AFTPH: variants seen among roughly 807,000 people sequenced by gnomAD.
The protein encoded by AFTPH is aftiphilin protein.
AFTPH carries 7 observed loss-of-function variants against 72.5 expected under a neutral mutation model. The ratio of observed to expected loss-of-function variants is 0.10; its 90% confidence interval spans 0.05 to 0.18. The LOEUF (loss-of-function observed/expected upper bound fraction) is 0.18, where lower values mean the gene tolerates loss of function less well. AFTPH is among the 10% of genes least tolerant of loss of function. The probability of loss-of-function intolerance (pLI) is 1.00; values close to 1 mark genes in which losing one functional copy is unlikely to be tolerated. For missense variants in AFTPH, 979 were observed against 1,060.5 expected, an observed-to-expected ratio of 0.92 and a Z score of 1.07; for synonymous variants, 337 against 370.1, an observed-to-expected ratio of 0.91 and a Z score of 1.03.
At chr2:64,567,457 C>T in intron 2 of AFTPH, 105 bp from the exon 3 acceptor site, 1 of 1,160,334 alleles carries the variant, frequency 8.6e-7, no homozygotes, top group East Asian at 2.6e-5. Flanking sequence ...CTCTTCCTCT[C>T]TCACAGTAGT....
At chr2:64,576,150 TG>T (rs1672783687) in intron 6 of AFTPH, among the ~76,000 whole-genome samples, 1 of 148,712 alleles carries the variant, frequency 6.7e-6, no homozygotes, top group Non-Finnish European at 1.5e-5. Flanking sequence ...CGTGTGTGTG[TG>T]TGTGTATGTA....
chr2:64,540,913 A>T (rs1232112013), intron 1 of AFTPH, among the ~76,000 whole-genome samples: 1 of 152,132 alleles, frequency 6.6e-6, no homozygotes, highest in Non-Finnish European at 1.5e-5. Context: ...AGTTACTTGG[A>T]GGTTTCAGAA....
At chr2:64,575,769 T>G (rs1672740233) in intron 6 of AFTPH, among the ~76,000 whole-genome samples, 1 of 146,638 alleles carries the variant, frequency 6.8e-6, no homozygotes, top group African/African-American at 2.5e-5. Context: ...GGTAGAGTCT[T>G]GCTCTGTCAC....
At position 64,547,249 on chromosome 2, in the gene AFTPH, A is replaced by T. The variant is rs1483637523; in HGVS notation, c.-32-4194A>T. ...TTATTCTTCTTCTTCAATCTGAAAC[A>T]GGTTTTCAGTCTTTCCTTGACTTTC... On this transcript the variant is annotated intron_variant, in intron 1 of 8. Transcript: ENST00000238856. Among the ~76,000 whole-genome samples the T allele has an allele frequency of 2.0e-5, 3 of 152,298 alleles. No homozygotes were observed. In the East Asian group the frequency reaches 5.8e-4, roughly 29 times the overall value.
intron 1 of AFTPH, among the ~76,000 whole-genome samples, chr2:64,540,984 C>T (rs554369527): frequency 5.9e-5 from 9 of 152,020 alleles, no homozygotes; most frequent in Non-Finnish European, 1.0e-4. Context: ...TAATATTTGC[C>T]GTCAATCACG....
At chr2:64,580,869 C>A (rs539817173) in intron 7 of AFTPH, 61 of 171,890 alleles carry the variant, frequency 3.5e-4, no homozygotes, top group Non-Finnish European at 5.8e-4. Flanking sequence ...TTAACGGGTA[C>A]GCATTCCTTT....
intron 1 of AFTPH, among the ~76,000 whole-genome samples, chr2:64,534,772 C>G (rs955473000): frequency 3.4e-5 from 5 of 147,852 alleles, no homozygotes; most frequent in African/African-American, 1.2e-4. Flanking sequence ...AATTCCATAA[C>G]ATTTAAATTA....
chr2:64,556,099 T>C (rs982290280), intron 2 of AFTPH, among the ~76,000 whole-genome samples: 1 of 151,860 alleles, frequency 6.6e-6, no homozygotes, highest in Non-Finnish European at 1.5e-5. Context: ...GCAGTTCTCC[T>C]GCCTCAGCCT....
chr2:64,588,550 A>T (rs889129168), intron 8 of AFTPH, among the ~76,000 whole-genome samples: 6 of 152,222 alleles, frequency 3.9e-5, no homozygotes, highest in Non-Finnish European at 5.9e-5. Context: ...AGTAATATAC[A>T]TTCCAAGTTC....
intron 1 of AFTPH, among the ~76,000 whole-genome samples, chr2:64,545,454 A>C (rs866964847): frequency 6.6e-6 from 1 of 150,778 alleles, no homozygotes; most frequent in African/African-American, 2.4e-5. Flanking sequence ...GTATGTACAC[A>C]CACACTATAC....
At chr2:64,569,326 T>TA in intron 4 of AFTPH, 108 bp downstream of exon 4, 1 of 1,402,636 alleles carries the variant, frequency 7.1e-7, no homozygotes, top group Non-Finnish European at 9.6e-7. Context: ...AGAAAATAAA[T>TA]ATTTGGTTTA....
chr2:64,541,440 C>CA (rs1348839774), intron 1 of AFTPH, among the ~76,000 whole-genome samples: 1 of 151,722 alleles, frequency 6.6e-6, no homozygotes, highest in Non-Finnish European at 1.5e-5. Flanking sequence ...AAAAAACACC[C>CA]AAAAAGAAAA....
chr2:64,540,333 G>A (rs1472223667), intron 1 of AFTPH, among the ~76,000 whole-genome samples: 1 of 152,082 alleles, frequency 6.6e-6, no homozygotes, highest in African/African-American at 2.4e-5. Context: ...CCAATGTTAT[G>A]TATTCAATTT....
chr2:64,580,954 TTACATTGTACATGAGAAAATG>T, intron 7 of AFTPH: 3 of 304,166 alleles, frequency 9.9e-6, no homozygotes, highest in Non-Finnish European at 1.2e-5. Context: ...GTTACATTCT[TTACATTGTACATGAGAAAATG>T]TACATTGAAT....
At position 64,564,118 on chromosome 2, in the gene AFTPH, A is replaced by G. The variant is rs562390015; in HGVS notation, c.1936-3444A>G. On this transcript the variant is annotated intron_variant, in intron 2 of 8. Coordinates refer to ENST00000238856, the Ensembl canonical transcript of AFTPH. The stretch of plus-strand genomic sequence containing the variant: ...AGGTACTTTTTTTTCCCCCAACTCA[A>G]TAGGATGACCTTGGGAAGGATGCAG... Among the ~76,000 whole-genome samples the G allele has an allele frequency of 1.6e-3, 251 of 152,248 alleles. 2 individuals are homozygous for G. Among genetic ancestry groups the G allele is most frequent in the African/African-American group, 5.6e-3 (233 of 41,552 alleles).
chr2:64,540,912 G>A (rs1670213962), intron 1 of AFTPH, among the ~76,000 whole-genome samples: 1 of 151,904 alleles, frequency 6.6e-6, no homozygotes, highest in African/African-American at 2.4e-5. Flanking sequence ...AAGTTACTTG[G>A]AGGTTTCAGA....
At chr2:64,580,280 C>G (rs1023929867) in intron 7 of AFTPH, 2 of 152,596 alleles carry the variant, frequency 1.3e-5, no homozygotes, top group Non-Finnish European at 2.9e-5. Context: ...TTAAGTTGTT[C>G]GAGCCATTGT....
At chr2:64,524,374 A>G in exon 1 of AFTPH, 1 of 402,396 alleles carries the variant, frequency 2.5e-6, no homozygotes, top group East Asian at 3.6e-5. Context: ...GTCTCCGCGG[A>G]GGAGGTGGAG....
At chr2:64,533,801 T>C (rs1476415813) in intron 1 of AFTPH, among the ~76,000 whole-genome samples, 1 of 152,162 alleles carries the variant, frequency 6.6e-6, no homozygotes, top group Non-Finnish European at 1.5e-5. Context: ...ACTTAATAAA[T>C]ATGAAAATTC....
Sources: gnomAD v4.1 joint callset for allele counts (sites outside exome capture counted in the v4.1 genomes callset) on GRCh38, gnomAD v4.1.1 for gene constraint, MANE v1.5 for transcripts, NCBI Gene and HGNC (gene_info 2026-07-23, HGNC 2026-07-21) for gene names.